ZNRF3: variants seen among roughly 807,000 people sequenced by gnomAD.
ZNRF3 encodes zinc and ring finger 3, also known as E3 ubiquitin-protein ligase ZNRF3.
In ZNRF3, 23 loss-of-function variants were observed where a neutral mutation model predicts 72.5. That is an observed-to-expected ratio of 0.32 (90% CI 0.23 to 0.45). The LOEUF is 0.45. ZNRF3 is among the 20% of genes least tolerant of loss of function. The probability of loss-of-function intolerance (pLI) is 1.00; values close to 1 mark genes in which losing one functional copy is unlikely to be tolerated. For missense variants in ZNRF3, 1,169 were observed against 1,272.1 expected (o/e 0.92, Z 1.23); for synonymous variants, 610 against 545.3 (o/e 1.12, Z -1.65).
chr22:28,965,802 A>G (rs755066651), intron 1 of ZNRF3, among the ~76,000 whole-genome samples: 1 of 152,214 alleles, frequency 6.6e-6, no homozygotes, highest in Non-Finnish European at 1.5e-5. Context: ...AAAGGCCCCA[A>G]TTTAGGAATA....
intron 2 of ZNRF3, among the ~76,000 whole-genome samples, chr22:29,036,355 A>G (rs1406698269): frequency 6.6e-6 from 1 of 152,228 alleles, no homozygotes; most frequent in East Asian, 1.9e-4. Flanking sequence ...TTTTATGGAA[A>G]AGGTTACACA....
chr22:29,015,903 C>T (rs1253064411), intron 2 of ZNRF3, among the ~76,000 whole-genome samples: 2 of 151,434 alleles, frequency 1.3e-5, no homozygotes, highest in East Asian at 3.9e-4. Flanking sequence ...GTAATCCCAG[C>T]TACTCAGGAG....
chr22:29,001,978 C>T (rs2036157395), intron 2 of ZNRF3, among the ~76,000 whole-genome samples: 1 of 152,162 alleles, frequency 6.6e-6, no homozygotes, highest in Non-Finnish European at 1.5e-5. Flanking sequence ...TCTTCAAAAG[C>T]TTTTAAGTTA....
intron 2 of ZNRF3, among the ~76,000 whole-genome samples, chr22:28,988,705 G>T (rs1601633875): frequency 6.6e-6 from 1 of 152,186 alleles, no homozygotes; most frequent in African/African-American, 2.4e-5. Context: ...AGAAATGCCA[G>T]CTACATCTAC....
intron 1 of ZNRF3, among the ~76,000 whole-genome samples, chr22:28,978,260 G>A (rs1416509673): frequency 6.6e-6 from 1 of 152,180 alleles, no homozygotes; most frequent in Non-Finnish European, 1.5e-5. Context: ...GAAAATTGGA[G>A]CTTCTCAGAA....
chr22:28,999,163 C>CAAAAAAAAAAAA (rs10601140), intron 2 of ZNRF3, among the ~76,000 whole-genome samples: 2 of 63,442 alleles, frequency 3.2e-5, no homozygotes, highest in African/African-American at 8.5e-5. Flanking sequence ...AATAAAAATA[C>CAAAAAAAAAAAA]AAAAAAAAAA....
chr22:29,001,762 G>A (rs755261864), intron 2 of ZNRF3, among the ~76,000 whole-genome samples: 1 of 151,950 alleles, frequency 6.6e-6, no homozygotes, highest in Non-Finnish European at 1.5e-5. Flanking sequence ...GAGCCACCGC[G>A]CCCAGCCAAA....
At chr22:29,044,524 C>T (rs1184160952) in intron 4 of ZNRF3, among the ~76,000 whole-genome samples, 1 of 152,218 alleles carries the variant, frequency 6.6e-6, no homozygotes, top group Non-Finnish European at 1.5e-5. Context: ...ACAGGCTTTA[C>T]CAACAGAGTT....
At chr22:29,034,184 T>C (rs2036820078) in intron 2 of ZNRF3, among the ~76,000 whole-genome samples, 1 of 152,198 alleles carries the variant, frequency 6.6e-6, no homozygotes, top group Non-Finnish European at 1.5e-5. Context: ...GCAAGTGTGT[T>C]ATGACAGACA....
rs2036418909 is a variant in ZNRF3, at chr22:29,015,698, C to T, written c.427-26797C>T. On this transcript the variant is annotated intron_variant, in intron 2 of 8. Transcript: ENST00000544604. ...AAAAAAAAAAAAAAATCCTTCCAGA[C>T]TTCTTTCCCTCTCCCGTGGTTTTAG... Among the ~76,000 whole-genome samples, 5 of 150,454 alleles carry T rather than the reference C, an allele frequency of 3.3e-5. No homozygotes were observed. The South Asian group carries it at 1.0e-3, about 32-fold the overall frequency.
chr22:28,940,758 G>A (rs1271735466), intron 1 of ZNRF3, among the ~76,000 whole-genome samples: 3 of 151,966 alleles, frequency 2.0e-5, no homozygotes, highest in Non-Finnish European at 2.9e-5. Context: ...TAATTTCTGG[G>A]TGTGAACTGT....
chr22:28,901,538 C>T (rs970634252), intron 1 of ZNRF3, among the ~76,000 whole-genome samples: 4 of 151,814 alleles, frequency 2.6e-5, no homozygotes, highest in Non-Finnish European at 4.4e-5. Context: ...GCTGCTTTGG[C>T]TGCTTTTCTG....
intron 1 of ZNRF3, among the ~76,000 whole-genome samples, chr22:28,912,062 T>C (rs1226144225): frequency 1.1e-4 from 16 of 152,190 alleles, no homozygotes; most frequent in Admixed American, 1.0e-3. Flanking sequence ...TTCCTAGCCC[T>C]CTTCAAAGTT....
intron 2 of ZNRF3, among the ~76,000 whole-genome samples, chr22:28,987,462 C>T (rs1418382975): frequency 6.6e-6 from 1 of 152,178 alleles, no homozygotes. Context: ...AAGTTGCTTC[C>T]CCTCAAGGAG....
chr22:28,991,304 AAAAAAAAG>A (rs1278377400), intron 2 of ZNRF3, among the ~76,000 whole-genome samples: 39 of 146,244 alleles, frequency 2.7e-4, no homozygotes, highest in Non-Finnish European at 2.2e-4. Context: ...AAAAAAAAAA[AAAAAAAAG>A]AAGAACAGTA....
intron 1 of ZNRF3, among the ~76,000 whole-genome samples, chr22:28,931,504 C>G (rs2123778319): frequency 6.6e-6 from 1 of 152,282 alleles, no homozygotes; most frequent in Non-Finnish European, 1.5e-5. Flanking sequence ...GAGGGAAACC[C>G]TGGGATTATT....
chr22:28,999,082 CA>C (rs1199738429), intron 2 of ZNRF3, among the ~76,000 whole-genome samples: 1 of 149,010 alleles, frequency 6.7e-6, no homozygotes, highest in Admixed American at 6.9e-5. Context: ...CTTTGAGAGG[CA>C]GAGGTGGGCG....
At chr22:29,052,641 T>C (rs1363489370) in intron 8 of ZNRF3, among the ~76,000 whole-genome samples, 1 of 149,450 alleles carries the variant, frequency 6.7e-6, no homozygotes, top group Non-Finnish European at 1.5e-5. Flanking sequence ...TGCAGTGAGC[T>C]GAGATCGCCC....
At chr22:28,889,285 T>C (rs966561648) in intron 1 of ZNRF3, among the ~76,000 whole-genome samples, 3 of 152,200 alleles carry the variant, frequency 2.0e-5, no homozygotes, top group African/African-American at 4.8e-5. Flanking sequence ...GTCCATGAAC[T>C]CCTGCAAGTG....
Sources: gnomAD v4.1 joint callset for allele counts (sites outside exome capture counted in the v4.1 genomes callset) on GRCh38, gnomAD v4.1.1 for gene constraint, MANE v1.5 for transcripts, NCBI Gene and HGNC (gene_info 2026-07-23, HGNC 2026-07-21) for gene names.